Variants in ZNF521 observed in about 807,000 individuals in gnomAD.
The protein encoded by ZNF521 is LYST-interacting protein 3.
ZNF521 carries 14 observed loss-of-function variants against 105.5 expected under a neutral mutation model. The ratio of observed to expected loss-of-function variants is 0.13; its 90% CI spans 0.09 to 0.21. ZNF521 has a LOEUF of 0.21. Among genes scored for constraint, ZNF521 ranks in the 10% least tolerant of loss-of-function variants. The probability of loss-of-function intolerance (pLI) is 1.00; values close to 1 mark genes in which losing one functional copy is unlikely to be tolerated. For synonymous variants in ZNF521, 635 were observed against 606.0 expected, an observed-to-expected ratio of 1.05 and a Z score of -0.70; for missense variants, 1,233 against 1,629.7, an observed-to-expected ratio of 0.76 and a Z score of 4.19.
intron 5 of ZNF521, among the ~76,000 whole-genome samples, chr18:25,145,827 T>C (rs1443611080): frequency 6.6e-6 from 1 of 152,226 alleles, no homozygotes; most frequent in Non-Finnish European, 1.5e-5. Context: ...TACAAATTAA[T>C]AATATCATCT....
At chr18:25,246,102 C>T (rs992952287) in intron 3 of ZNF521, among the ~76,000 whole-genome samples, 4 of 151,954 alleles carry the variant, frequency 2.6e-5, no homozygotes, top group Non-Finnish European at 5.9e-5. Flanking sequence ...GGGAGGGATG[C>T]GTTAGGAGAC....
At chr18:25,188,711 CA>C (rs1227330123) in intron 5 of ZNF521, among the ~76,000 whole-genome samples, 8 of 152,100 alleles carry the variant, frequency 5.3e-5, no homozygotes, top group African/African-American at 1.2e-4. Flanking sequence ...GTATGTCAGC[CA>C]GTCACATGGC....
At chr18:25,142,643 A>G (rs1449525536) in intron 5 of ZNF521, among the ~76,000 whole-genome samples, 1 of 152,182 alleles carries the variant, frequency 6.6e-6, no homozygotes, top group African/African-American at 2.4e-5. Flanking sequence ...ACCCAAGCCC[A>G]GAAGAGAGAA....
chr18:25,345,607 C>T lies in ZNF521; in HGVS notation c.40+5300G>A, dbSNP rs7238737. On this transcript the variant is annotated intron_variant, in intron 2 of 7. Coordinates refer to ENST00000361524, the MANE Select transcript of ZNF521 (RefSeq NM_015461.3). Reference sequence around the variant, plus strand: ...AAGATGCTGCCAGAAGTGCTGAAATCGTGAAACCGGCGTTTTGGAAGAGAC... The same window carrying T: ...AAGATGCTGCCAGAAGTGCTGAAATTGTGAAACCGGCGTTTTGGAAGAGAC... Among the ~76,000 whole-genome samples, 1,187 of 152,280 alleles carry T rather than the reference C, an allele frequency of 7.8e-3. 20 individuals carry two copies. Among genetic ancestry groups the T allele is most frequent in the African/African-American group, 0.027 (1,120 of 41,560 alleles).
At chr18:25,289,319 C>A (rs950282810) in intron 3 of ZNF521, among the ~76,000 whole-genome samples, 2 of 152,146 alleles carry the variant, frequency 1.3e-5, no homozygotes, top group Non-Finnish European at 2.9e-5. Context: ...TTCTTTTAAA[C>A]CCCTGGCAGA....
intron 4 of ZNF521, among the ~76,000 whole-genome samples, chr18:25,210,081 A>C (rs2036151948): frequency 6.6e-6 from 1 of 152,182 alleles, no homozygotes; most frequent in African/African-American, 2.4e-5. Flanking sequence ...ATGTATACAT[A>C]ATACATACAT....
chr18:25,062,329 G>GA lies in ZNF521; in HGVS notation c.*382dup, dbSNP rs1246229221. ...GAGAAATTCTAGGCTTAAGTGTAAA[G>GA]AAAAGGAAGTCCAACCATAGTCTCA... is the stretch of plus-strand genomic sequence containing the variant. On this transcript the variant is annotated 3_prime_UTR_variant, in exon 8 of 8. Transcript: ENST00000361524. 4.0e-6 allele frequency: 1 copy of GA among 247,818 alleles called. No individual in the cohort carries two copies. The highest frequency in any genetic ancestry group is 7.7e-6 in the Non-Finnish European group (1 of 129,800). 15.4% of individuals were successfully genotyped at this position (247,818 alleles called of 1,614,324 possible). A position where few individuals can be genotyped will look rare whatever the true frequency, so the allele number is the denominator to read the frequency against.
chr18:25,276,507 T>C (rs1345234505), intron 3 of ZNF521, among the ~76,000 whole-genome samples: 1 of 152,198 alleles, frequency 6.6e-6, no homozygotes, highest in African/African-American at 2.4e-5. Context: ...ATCACTTTAA[T>C]GCTGAATACA....
chr18:25,336,048 G>T (rs1037935375), intron 2 of ZNF521, among the ~76,000 whole-genome samples: 2 of 152,140 alleles, frequency 1.3e-5, no homozygotes, highest in African/African-American at 4.8e-5. Flanking sequence ...GAAACCAAGA[G>T]GAAAACAATG....
At chr18:25,336,825 G>A (rs1913915527) in intron 2 of ZNF521, among the ~76,000 whole-genome samples, 1 of 152,188 alleles carries the variant, frequency 6.6e-6, no homozygotes, top group African/African-American at 2.4e-5. Flanking sequence ...TGTATGCTAT[G>A]GTGTGTACAA....
intron 3 of ZNF521, among the ~76,000 whole-genome samples, chr18:25,311,196 TG>T (rs1252721991): frequency 6.6e-6 from 1 of 152,148 alleles, no homozygotes; most frequent in African/African-American, 2.4e-5. Context: ...CATAGATCTC[TG>T]TGACATTGCT....
intron 5 of ZNF521, among the ~76,000 whole-genome samples, chr18:25,170,182 C>T (rs1308628527): frequency 6.6e-6 from 1 of 151,704 alleles, no homozygotes; most frequent in Non-Finnish European, 1.5e-5. Flanking sequence ...AGGCGGCGTT[C>T]AATGCTCAAG....
intron 7 of ZNF521, among the ~76,000 whole-genome samples, chr18:25,088,062 C>T (rs2033661986): frequency 6.6e-6 from 1 of 152,124 alleles, no homozygotes. Context: ...GGTGGGCTCC[C>T]AGTCCCTCAG....
chr18:25,253,614 A>G (rs548766861), intron 3 of ZNF521, among the ~76,000 whole-genome samples: 23 of 152,268 alleles, frequency 1.5e-4, no homozygotes, highest in African/African-American at 4.6e-4. Flanking sequence ...TGAGGAAAAG[A>G]CATGGTTCCA....
chr18:25,276,375 G>C (rs755601710), intron 3 of ZNF521, among the ~76,000 whole-genome samples: 15 of 152,132 alleles, frequency 9.9e-5, no homozygotes, highest in Non-Finnish European at 1.8e-4. Context: ...TCCCACTTGT[G>C]AAGGCCTTAA....
At chr18:25,185,468 G>A (rs888524242) in intron 5 of ZNF521, among the ~76,000 whole-genome samples, 3 of 152,154 alleles carry the variant, frequency 2.0e-5, no homozygotes, top group Non-Finnish European at 4.4e-5. Context: ...AAGTTCGGCA[G>A]CAAGAGAGTA....
At chr18:25,079,670 T>TG (rs56817338) in intron 7 of ZNF521, among the ~76,000 whole-genome samples, 35,489 of 150,424 alleles carry the variant, frequency 0.24, 4,472 homozygotes, top group African/African-American at 0.32. Context: ...GCACAGATGG[T>TG]GGGGGGGACG....
chr18:25,332,694 T>C (rs1244580289), intron 2 of ZNF521, among the ~76,000 whole-genome samples: 1 of 152,184 alleles, frequency 6.6e-6, no homozygotes, highest in Non-Finnish European at 1.5e-5. Context: ...AATAATTCCT[T>C]AGGTGTCCAT....
intron 5 of ZNF521, among the ~76,000 whole-genome samples, chr18:25,154,181 T>C (rs1600098540): frequency 6.6e-6 from 1 of 152,288 alleles, no homozygotes; most frequent in East Asian, 1.9e-4. Flanking sequence ...GGGAAAAAAG[T>C]CCCAAATTCA....
Sources: gnomAD v4.1 joint callset for allele counts (sites outside exome capture counted in the v4.1 genomes callset) on GRCh38, gnomAD v4.1.1 for gene constraint, MANE v1.5 for transcripts, NCBI Gene and HGNC (gene_info 2026-07-23, HGNC 2026-07-21) for gene names.